METTL15: variants seen among roughly 807,000 people sequenced by gnomAD.
The protein encoded by METTL15 is 12S rRNA N(4)-cytidine methyltransferase METTL15.
Under a neutral mutation model 38.3 loss-of-function variants are expected in METTL15, and 34 were observed. That is an observed-to-expected ratio of 0.89 (90% CI 0.68 to 1.18). METTL15 has a LOEUF of 1.18. Among genes scored for constraint, METTL15 ranks in the 50% most tolerant of loss-of-function variants. METTL15 has a pLI of 0.00. For missense variants in METTL15, 438 were observed against 498.4 expected, an observed-to-expected ratio of 0.88 and a Z score of 1.15; for synonymous variants, 162 against 170.9, an observed-to-expected ratio of 0.95 and a Z score of 0.41.
intron 5 of METTL15, among the ~76,000 whole-genome samples, chr11:28,291,118 C>T (rs1054574206): frequency 1.4e-5 from 2 of 147,804 alleles, no homozygotes; most frequent in Admixed American, 1.4e-4. Context: ...GGCATGATCT[C>T]GCACTGCAAC....
intron 3 of METTL15, among the ~76,000 whole-genome samples, chr11:28,340,829 C>T (rs1849945288): frequency 6.6e-6 from 1 of 152,050 alleles, no homozygotes; most frequent in South Asian, 2.1e-4. Flanking sequence ...AGGTGTATAC[C>T]CAAAGGATTA....
intron 4 of METTL15, among the ~76,000 whole-genome samples, chr11:28,249,172 C>A (rs576694052): frequency 1.3e-5 from 2 of 151,864 alleles, no homozygotes; most frequent in Non-Finnish European, 2.9e-5. Flanking sequence ...CATGAGGAAA[C>A]CTTAGGTAAT....
At chr11:28,425,739 A>T (rs1590369941) in intron 6 of METTL15, among the ~76,000 whole-genome samples, 2 of 152,164 alleles carry the variant, frequency 1.3e-5, no homozygotes, top group African/African-American at 4.8e-5. Context: ...AAAGGCATAG[A>T]TGGTACCTGT....
chr11:28,474,107 T>C (rs533817174), intron 6 of METTL15, among the ~76,000 whole-genome samples: 3 of 151,996 alleles, frequency 2.0e-5, no homozygotes, highest in Non-Finnish European at 4.4e-5. Flanking sequence ...CAAATACACA[T>C]GTATATACAT....
At chr11:28,307,606 G>C (rs968942255) in intron 6 of METTL15, among the ~76,000 whole-genome samples, 2 of 151,792 alleles carry the variant, frequency 1.3e-5, no homozygotes. Flanking sequence ...TGGTAAATCA[G>C]GCTAAATATG....
chr11:28,209,252 A>T (rs1311790759), intron 3 of METTL15, among the ~76,000 whole-genome samples: 1 of 152,016 alleles, frequency 6.6e-6, no homozygotes, highest in Admixed American at 6.6e-5. Context: ...GTTTAAATCT[A>T]TAGTTACAGC....
At chr11:28,307,707 A>G (rs1355529134) in intron 6 of METTL15, among the ~76,000 whole-genome samples, 1 of 152,002 alleles carries the variant, frequency 6.6e-6, no homozygotes, top group Non-Finnish European at 1.5e-5. Context: ...TCATACACAT[A>G]TTATGTATCG....
intron 6 of METTL15, among the ~76,000 whole-genome samples, chr11:28,319,795 C>G (rs534784717): frequency 6.6e-6 from 1 of 152,102 alleles, no homozygotes; most frequent in African/African-American, 2.4e-5. Context: ...ATACAGTTAT[C>G]TTAAGAGCTT....
intron 3 of METTL15, among the ~76,000 whole-genome samples, chr11:28,137,062 C>G (rs111464212): frequency 2.7e-3 from 413 of 152,110 alleles, no homozygotes; most frequent in African/African-American, 9.2e-3. Context: ...TTTATCCAAT[C>G]TTAGCCAGTT....
chr11:28,477,800 A>G (rs988032214), intron 6 of METTL15, among the ~76,000 whole-genome samples: 1 of 152,148 alleles, frequency 6.6e-6, no homozygotes, highest in African/African-American at 2.4e-5. Flanking sequence ...TGAGCCATTC[A>G]TTATCCTTGA....
intron 6 of METTL15, among the ~76,000 whole-genome samples, chr11:28,468,987 C>T (rs1851280392): frequency 6.6e-6 from 1 of 152,060 alleles, no homozygotes; most frequent in African/African-American, 2.4e-5. Flanking sequence ...CATAATGTAA[C>T]CTTTCAAAAG....
chr11:28,272,526 C>T (rs532014761), intron 4 of METTL15, among the ~76,000 whole-genome samples: 6 of 152,212 alleles, frequency 3.9e-5, no homozygotes, highest in Admixed American at 2.0e-4. Flanking sequence ...AGTGAGAACA[C>T]ATGGACACAG....
At chr11:28,250,784 CTTG>C (rs1325842381) in intron 4 of METTL15, among the ~76,000 whole-genome samples, 3 of 152,026 alleles carry the variant, frequency 2.0e-5, no homozygotes, top group African/African-American at 2.4e-5. Context: ...CATCTTCTCT[CTTG>C]TTATCAGTGA....
At chr11:28,145,737 TTAGA>T (rs1203106466) in intron 3 of METTL15, 2 of 152,070 alleles carry the variant, frequency 1.3e-5, no homozygotes, top group Non-Finnish European at 2.9e-5. Context: ...ATAAACTGAG[TTAGA>T]TAAACTGTAT....
intron 3 of METTL15, among the ~76,000 whole-genome samples, chr11:28,143,504 A>G (rs1029911364): frequency 3.9e-5 from 6 of 152,068 alleles, no homozygotes; most frequent in African/African-American, 1.4e-4. Context: ...ACTCTCATCC[A>G]GGCTAGTTTT....
chr11:28,359,019 G>A (rs1850113472), intron 4 of METTL15, among the ~76,000 whole-genome samples: 1 of 152,122 alleles, frequency 6.6e-6, no homozygotes, highest in African/African-American at 2.4e-5. Context: ...GGTATGAAAT[G>A]ATCCTGTCAC....
intron 6 of METTL15, among the ~76,000 whole-genome samples, chr11:28,453,841 T>G (rs1590380142): frequency 2.0e-5 from 3 of 152,348 alleles, no homozygotes; most frequent in Admixed American, 2.0e-4. Context: ...GTTAGACCAC[T>G]CCTGAAAAAT....
chr11:28,297,233 T>C (rs1331308026), intron 6 of METTL15, among the ~76,000 whole-genome samples: 1 of 152,150 alleles, frequency 6.6e-6, no homozygotes, highest in Admixed American at 6.6e-5. Context: ...CAGGATAATT[T>C]ATCATTTGTG....
At chr11:28,525,825 G>A (rs1406556676) in intron 6 of METTL15, among the ~76,000 whole-genome samples, 4 of 152,264 alleles carry the variant, frequency 2.6e-5, no homozygotes, top group Non-Finnish European at 5.9e-5. Context: ...GTGGTGGATG[G>A]GACTGGGCGC....
Sources: gnomAD v4.1 joint callset for allele counts (sites outside exome capture counted in the v4.1 genomes callset) on GRCh38, gnomAD v4.1.1 for gene constraint, MANE v1.5 for transcripts, NCBI Gene and HGNC (gene_info 2026-07-23, HGNC 2026-07-21) for gene names.